The following TJP1 variants were observed in gnomAD, a reference collection of about 807,000 sequenced individuals.
TJP1 encodes tight junction protein 1, also known as tight junction protein ZO-1.
Under a neutral mutation model 194.2 loss-of-function variants are expected in TJP1, and 43 were observed. That is an observed-to-expected ratio of 0.22 (90% CI 0.17 to 0.29). The LOEUF is 0.29. Ranked by LOEUF, TJP1 falls within the 10% of genes least tolerant of loss-of-function variation. The pLI is 1.00. For synonymous variants in TJP1, 801 were observed against 779.0 expected (o/e 1.03, Z -0.47); for missense variants, 1,971 against 2,185.7 (o/e 0.90, Z 1.96).
chr15:29,811,238 G>C (rs1321783944), intron 1 of TJP1, among the ~76,000 whole-genome samples: 1 of 152,056 alleles, frequency 6.6e-6, no homozygotes, highest in African/African-American at 2.4e-5. Flanking sequence ...TACTCTAAAG[G>C]TAGTTAAGCA....
Position 29,773,169 on chromosome 15 carries a change from C to T in TJP1, c.209+64G>A, listed in dbSNP as rs16955763. ...ATCACTAAGACAGTGTAAGACAGTA[C>T]GCCAGTGCCTGAGGAGAGGAACACT... On this transcript the variant is annotated intron_variant, in intron 3 of 27. Transcript: ENST00000614355. 2.4e-3 allele frequency: 3,775 copies of T among 1,589,530 alleles called. 83 individuals carry two copies. The African/African-American group carries it at 0.045, about 19-fold the overall frequency.
chr15:29,728,148 T>C (rs2043358549), intron 15 of TJP1, 129 bp from the exon 16 acceptor site: 2 of 647,474 alleles, frequency 3.1e-6, no homozygotes, highest in East Asian at 2.8e-5. Flanking sequence ...GTCTTATGCA[T>C]GCAGTACTTA....
chr15:29,713,315 G>A lies in TJP1; in HGVS notation c.4203-2315C>T, dbSNP rs146083358. Among the ~76,000 whole-genome samples the A allele has an allele frequency of 7.9e-4, 120 of 152,268 alleles. 1 individual carries two copies. In the East Asian group the frequency reaches 0.021, roughly 26 times the overall value. On this transcript the variant is annotated intron_variant, in intron 23 of 27. Transcript: ENST00000614355. The stretch of plus-strand genomic sequence containing the variant: ...TCTTCTTGCACTGTTTTAGAATCCT[G>A]GAAACTTCTAATTTACTTTGGAGGT...
At chr15:29,891,957 A>C (rs2053325020) in intron 2 of TJP1, among the ~76,000 whole-genome samples, 1 of 152,254 alleles carries the variant, frequency 6.6e-6, no homozygotes. Flanking sequence ...ATTAAATCAA[A>C]AACTAGAAAT....
intron 19 of TJP1, 31 bp downstream of exon 19, chr15:29,720,327 A>T: frequency 6.7e-7 from 1 of 1,498,840 alleles, no homozygotes; most frequent in Non-Finnish European, 9.0e-7. Context: ...ATGCACCTCT[A>T]TCTACAAAAC....
At position 29,902,467 on chromosome 15, in the gene TJP1, C is replaced by T. The variant is rs181472859; in HGVS notation, c.306+53765G>A. ...AAAAACTTTCCATTAAATCACAACA[C>T]GCACTCAAGTTTACAAGGGTCAAGT... On this transcript the variant is annotated intron_variant, in intron 2 of 28. Coordinates refer to the TJP1 transcript ENST00000356107. 1.6e-3 allele frequency among the ~76,000 whole-genome samples: 250 copies of T among 152,182 alleles called. 5 individuals carry two copies. Among genetic ancestry groups the T allele is most frequent in the Non-Finnish European group, 1.2e-3 (85 of 68,008 alleles).
intron 8 of TJP1, among the ~76,000 whole-genome samples, chr15:29,743,796 A>G (rs1690466476): frequency 6.6e-6 from 1 of 152,252 alleles, no homozygotes. Flanking sequence ...AATACAAAGA[A>G]GCTTTTCAGC....
intron 2 of TJP1, among the ~76,000 whole-genome samples, chr15:29,788,934 C>A: frequency 6.6e-6 from 1 of 152,098 alleles, no homozygotes; most frequent in Non-Finnish European, 1.5e-5. Context: ...TACACTAATA[C>A]GATAAGCATC....
chr15:29,775,388 G>A (rs1305402801), intron 2 of TJP1, among the ~76,000 whole-genome samples: 2 of 151,872 alleles, frequency 1.3e-5, no homozygotes, highest in Non-Finnish European at 2.9e-5. Context: ...TCTTCTATTA[G>A]TGAAATTGTG....
At chr15:29,761,371 TAGTA>T in intron 7 of TJP1, 85 bp from the exon 8 acceptor site, 2 of 1,496,158 alleles carry the variant, frequency 1.3e-6, no homozygotes, top group Non-Finnish European at 1.8e-6. Flanking sequence ...GAAGATAAGC[TAGTA>T]AGTAAAATTA....
intron 12 of TJP1, 44 bp from the exon 13 acceptor site, chr15:29,733,357 TAAC>T: frequency 5.2e-6 from 7 of 1,340,940 alleles, no homozygotes; most frequent in Non-Finnish European, 7.3e-6. Context: ...TTTAGTGGGA[TAAC>T]AATCTGAAAG....
At chr15:29,760,397 A>G in intron 8 of TJP1, 1 of 615,830 alleles carries the variant, frequency 1.6e-6, no homozygotes, top group Non-Finnish European at 2.9e-6. Flanking sequence ...TGTTTTTGAG[A>G]AAGAGTTCCG....
chr15:29,957,286 G>A (rs1413562205), intron 1 of TJP1, among the ~76,000 whole-genome samples: 1 of 152,124 alleles, frequency 6.6e-6, no homozygotes, highest in Non-Finnish European at 1.5e-5. Context: ...ACTAGATATG[G>A]CTACAGTTTA....
At position 29,956,178 on chromosome 15, in the gene TJP1, A is replaced by G. The variant is rs564674330; in HGVS notation, c.306+54T>C. The G allele has an allele frequency of 1.3e-5, 15 of 1,114,472 alleles. No homozygotes were observed. In the East Asian group the frequency reaches 9.1e-4, roughly 68 times the overall value. The allele number at this position is 1,114,472 out of a possible 1,614,324, so 69.0% of individuals were successfully genotyped here. A position where few individuals can be genotyped will look rare whatever the true frequency, so the allele number is the denominator to read the frequency against. On this transcript the variant is annotated intron_variant, in intron 2 of 28. Coordinates refer to the TJP1 transcript ENST00000356107. ...TGCATTTTTATGAAAATAATAAAAT[A>G]AAAACTTTCATACTCTTTGGAAAAA...
chr15:29,892,412 G>C (rs545004389), intron 2 of TJP1, among the ~76,000 whole-genome samples: 30 of 152,354 alleles, frequency 2.0e-4, no homozygotes, highest in African/African-American at 6.5e-4. Context: ...TATGATAATT[G>C]ATAAAGGTGG....
intron 2 of TJP1, among the ~76,000 whole-genome samples, chr15:29,852,683 C>T (rs895794591): frequency 3.3e-5 from 5 of 152,018 alleles, no homozygotes; most frequent in Non-Finnish European, 5.9e-5. Flanking sequence ...CCGAGGTGGG[C>T]GGATCACCTG....
In TJP1 at chr15:29,719,040, C is replaced by A. The variant is rs1481216023; in HGVS notation, c.3102G>T (p.Glu1034Asp). 2.5e-6 allele frequency: 4 copies of A among 1,614,172 alleles called. No homozygotes were observed. In the Middle Eastern group the frequency reaches 6.6e-4, roughly 266 times the overall value. Residue 1034 changes from glutamate (E) to aspartate (D), a missense_variant, in exon 21 of 28, where the codon GAG becomes GAT. Coordinates refer to ENST00000614355, the MANE Select transcript of TJP1 (RefSeq NM_001330239.4). ...GTTGGGGTTCATAGGTCAGATTAGG[C>A]TCTTTGTCTGGCCTGTGCCCTGGGT... ...VSHPGHRPDKEPNLTYEPQLP... is the reference protein window; with the variant it reads ...VSHPGHRPDKDPNLTYEPQLP...
chr15:29,745,446 A>G (rs2151381176), intron 8 of TJP1, among the ~76,000 whole-genome samples: 1 of 152,322 alleles, frequency 6.6e-6, no homozygotes, highest in South Asian at 2.1e-4. Flanking sequence ...ACCAGTAACA[A>G]GAACATTAAA....
At chr15:29,787,327 C>T (rs543472095) in intron 2 of TJP1, among the ~76,000 whole-genome samples, 3 of 152,150 alleles carry the variant, frequency 2.0e-5, no homozygotes, top group Non-Finnish European at 4.4e-5. Context: ...AGTATAAGAG[C>T]TTAAACTCTA....
Sources: allele counts gnomAD v4.1 joint callset (sites outside exome capture counted in the v4.1 genomes callset), GRCh38; gene constraint gnomAD v4.1.1; transcripts MANE v1.5; gene names NCBI Gene and HGNC (gene_info 2026-07-23, HGNC 2026-07-21).